Variants in PPM1L observed in about 807,000 individuals in gnomAD.
PPM1L encodes protein phosphatase, Mg2+/Mn2+ dependent 1L.
PPM1L carries 13 observed loss-of-function variants against 31.4 expected under a neutral mutation model. That is an observed-to-expected ratio of 0.41 (90% confidence interval 0.27 to 0.66). PPM1L has a LOEUF of 0.66. Among genes scored for constraint, PPM1L ranks in the 30% least tolerant of loss-of-function variants. PPM1L has a pLI of 0.29. For synonymous variants in PPM1L, 184 were observed against 175.4 expected (o/e 1.05, Z -0.39); for missense variants, 326 against 453.7 (o/e 0.72, Z 2.56).
At chr3:161,030,737 T>C (rs1052819979) in intron 2 of PPM1L, among the ~76,000 whole-genome samples, 2 of 152,076 alleles carry the variant, frequency 1.3e-5, no homozygotes, top group Non-Finnish European at 2.9e-5. Context: ...TCCCCATAGA[T>C]AGCATCCATA....
At position 160,880,221 on chromosome 3, in the gene PPM1L, C is replaced by T. The variant is rs114504925; in HGVS notation, c.400-81515C>T. On this transcript the variant is annotated intron_variant, in intron 1 of 3. Transcript: ENST00000498165. The stretch of plus-strand genomic sequence containing the variant: ...TTTTTATCTTTTAACCATTACCTTA[C>T]AGCATTCACCCCTACATTCCCTAAT... Among the ~76,000 whole-genome samples the T allele has an allele frequency of 3.5e-3, 527 of 152,178 alleles. 2 individuals are homozygous for T. Among genetic ancestry groups the T allele is most frequent in the African/African-American group, 0.012 (509 of 41,518 alleles).
At chr3:161,058,118 CTTT>C (rs1186931971) in intron 2 of PPM1L, among the ~76,000 whole-genome samples, 560 of 54,878 alleles carry the variant, frequency 0.01, 6 homozygotes, top group African/African-American at 0.031. Context: ...ATTTTCTTTC[CTTT>C]TTTTTTTTTT....
chr3:160,796,497 G>A (rs1460849716), intron 1 of PPM1L, among the ~76,000 whole-genome samples: 1 of 152,100 alleles, frequency 6.6e-6, no homozygotes, highest in East Asian at 1.9e-4. Context: ...TGAGAAGAAT[G>A]TACACATAGA....
chr3:160,783,656 A>C (rs952212193), intron 1 of PPM1L, among the ~76,000 whole-genome samples: 3 of 152,168 alleles, frequency 2.0e-5, no homozygotes, highest in Middle Eastern at 3.4e-3. Context: ...TAATGGAGGT[A>C]TCAAAATTCT....
chr3:160,868,392 C>T (rs1329997002), intron 1 of PPM1L, among the ~76,000 whole-genome samples: 2 of 152,250 alleles, frequency 1.3e-5, no homozygotes, highest in African/African-American at 2.4e-5. Flanking sequence ...ACTTCGGTGT[C>T]GGGGGAACTA....
At chr3:160,928,495 G>C (rs894409872) in intron 1 of PPM1L, among the ~76,000 whole-genome samples, 1 of 152,198 alleles carries the variant, frequency 6.6e-6, no homozygotes, top group South Asian at 2.1e-4. Flanking sequence ...TCAGCGTTTG[G>C]AGCTACTGGT....
intron 1 of PPM1L, among the ~76,000 whole-genome samples, chr3:160,843,405 T>TG (rs1488722697): frequency 7.3e-6 from 1 of 136,730 alleles, no homozygotes; most frequent in African/African-American, 2.7e-5. Flanking sequence ...ATTTTTTTTT[T>TG]GTGTGTGTAT....
chr3:160,924,722 T>C (rs973495960), intron 1 of PPM1L, among the ~76,000 whole-genome samples: 1 of 152,226 alleles, frequency 6.6e-6, no homozygotes, highest in Non-Finnish European at 1.5e-5. Context: ...TAGTACCTCA[T>C]GGCCTATCAA....
intron 1 of PPM1L, among the ~76,000 whole-genome samples, chr3:160,850,887 G>C (rs982235951): frequency 1.3e-5 from 2 of 149,634 alleles, no homozygotes; most frequent in Non-Finnish European, 3.0e-5. Context: ...TTTTTGGTGG[G>C]GGGGGGGTCA....
At chr3:160,882,022 G>A (rs2108038370) in intron 1 of PPM1L, among the ~76,000 whole-genome samples, 1 of 149,514 alleles carries the variant, frequency 6.7e-6, no homozygotes, top group African/African-American at 2.5e-5. Flanking sequence ...CTGCACTCCA[G>A]CCTAGGGGGC....
intron 2 of PPM1L, among the ~76,000 whole-genome samples, chr3:160,978,044 A>C (rs74845279): frequency 6.6e-6 from 1 of 152,192 alleles, no homozygotes; most frequent in African/African-American, 2.4e-5. Flanking sequence ...CCCAAGGAAC[A>C]GGAGTGAGGG....
intron 1 of PPM1L, among the ~76,000 whole-genome samples, chr3:160,827,791 G>T (rs1168150743): frequency 6.6e-6 from 1 of 152,072 alleles, no homozygotes; most frequent in African/African-American, 2.4e-5. Flanking sequence ...AGGAATACTG[G>T]AGGCTAGGTA....
At chr3:160,880,242 C>G (rs2108036999) in intron 1 of PPM1L, among the ~76,000 whole-genome samples, 1 of 152,136 alleles carries the variant, frequency 6.6e-6, no homozygotes, top group African/African-American at 2.4e-5. Flanking sequence ...CCTACATTCC[C>G]TAATAGACAT....
chr3:160,872,523 T>C (rs888015970), intron 1 of PPM1L, among the ~76,000 whole-genome samples: 1 of 152,350 alleles, frequency 6.6e-6, no homozygotes, highest in East Asian at 1.9e-4. Context: ...TGCTCACTTA[T>C]ATAACAGGGA....
intron 1 of PPM1L, among the ~76,000 whole-genome samples, chr3:160,910,142 A>G (rs1295137398): frequency 2.0e-5 from 3 of 152,094 alleles, no homozygotes; most frequent in Non-Finnish European, 4.4e-5. Flanking sequence ...ATCTTGAAAT[A>G]TATTCAGCGC....
At chr3:160,766,809 A>C (rs1027199219) in intron 1 of PPM1L, among the ~76,000 whole-genome samples, 13 of 147,624 alleles carry the variant, frequency 8.8e-5, no homozygotes, top group African/African-American at 3.3e-4. Context: ...ATGGAACCTT[A>C]GCTGCTTCCA....
At chr3:160,847,660 A>G (rs1714124078) in intron 1 of PPM1L, among the ~76,000 whole-genome samples, 1 of 152,162 alleles carries the variant, frequency 6.6e-6, no homozygotes, top group African/African-American at 2.4e-5. Flanking sequence ...ACCCAGGGAC[A>G]TACCAAAAAC....
At chr3:160,780,063 GC>G (rs1273176020) in intron 1 of PPM1L, among the ~76,000 whole-genome samples, 2 of 149,912 alleles carry the variant, frequency 1.3e-5, no homozygotes, top group African/African-American at 4.9e-5. Flanking sequence ...TTCCTCCATT[GC>G]CCAGGCTGTG....
At chr3:161,037,767 C>T (rs1718789317) in intron 2 of PPM1L, among the ~76,000 whole-genome samples, 3 of 151,720 alleles carry the variant, frequency 2.0e-5, no homozygotes, top group African/African-American at 7.3e-5. Context: ...ACAGCTTGAC[C>T]ACAAGCTCAT....
Sources: allele counts gnomAD v4.1 joint callset (sites outside exome capture counted in the v4.1 genomes callset), GRCh38; gene constraint gnomAD v4.1.1; transcripts MANE v1.5; gene names NCBI Gene and HGNC (gene_info 2026-07-23, HGNC 2026-07-21).